CDH8: variants seen among roughly 807,000 people sequenced by gnomAD.
The protein encoded by CDH8 is cadherin-8.
CDH8 carries 17 observed loss-of-function variants against 68.1 expected under a neutral mutation model. That is an observed-to-expected ratio of 0.25 (90% CI 0.17 to 0.37). CDH8 has a LOEUF of 0.37. Ranked by LOEUF, CDH8 falls within the 10% of genes least tolerant of loss-of-function variation. CDH8 has a pLI of 1.00. For synonymous variants in CDH8, 372 were observed against 365.1 expected, an observed-to-expected ratio of 1.02 and a Z score of -0.21; for missense variants, 763 against 999.3, an observed-to-expected ratio of 0.76 and a Z score of 3.19.
intron 7 of CDH8, among the ~76,000 whole-genome samples, chr16:61,792,243 A>T (rs555364869): frequency 7.2e-5 from 11 of 152,154 alleles, no homozygotes; most frequent in African/African-American, 2.4e-4. Context: ...TTTATAAAAT[A>T]GTCTATAAAT....
intron 2 of CDH8, among the ~76,000 whole-genome samples, chr16:61,913,868 T>G (rs376806100): frequency 2.0e-5 from 3 of 152,102 alleles, no homozygotes; most frequent in Non-Finnish European, 4.4e-5. Context: ...AAAACAAAAA[T>G]AATCATTTCA....
intron 3 of CDH8, among the ~76,000 whole-genome samples, chr16:61,900,358 C>T (rs1176884702): frequency 1.3e-5 from 2 of 152,110 alleles, no homozygotes; most frequent in Admixed American, 6.6e-5. Context: ...ATATGTACTA[C>T]ACATTTTAAA....
At chr16:61,925,378 G>A (rs1964441088) in intron 2 of CDH8, among the ~76,000 whole-genome samples, 1 of 152,156 alleles carries the variant, frequency 6.6e-6, no homozygotes, top group South Asian at 2.1e-4. Flanking sequence ...CCTTACCCCA[G>A]TTAAGAATTA....
In CDH8 at chr16:61,744,072, G is replaced by T. The variant is rs536056163; in HGVS notation, c.1415-16857C>A. Among the ~76,000 whole-genome samples, 3 of 152,032 alleles carry T rather than the reference G, an allele frequency of 2.0e-5. No individual in the cohort carries two copies. The East Asian group carries it at 5.8e-4, about 29-fold the overall frequency. On this transcript the variant is annotated intron_variant, in intron 8 of 11. Coordinates refer to ENST00000577390, the MANE Select transcript of CDH8 (RefSeq NM_001796.5). ...TTATGACACAGTTTTTGGCCATTTG[G>T]GGTCAATATTTCAAGTTTGTTTGAC... is the stretch of plus-strand genomic sequence containing the variant.
chr16:61,746,554 C>CAA (rs1199985578), intron 8 of CDH8, among the ~76,000 whole-genome samples: 2 of 118,808 alleles, frequency 1.7e-5, no homozygotes, highest in South Asian at 2.7e-4. Context: ...TGATTCCCCC[C>CAA]CAACACACAC....
intron 7 of CDH8, among the ~76,000 whole-genome samples, chr16:61,807,736 T>C (rs566989673): frequency 1.5e-4 from 23 of 152,196 alleles, no homozygotes; most frequent in African/African-American, 5.5e-4. Context: ...CAAACAGAGA[T>C]ATAAAGGCCC....
intron 2 of CDH8, among the ~76,000 whole-genome samples, chr16:61,924,562 C>T (rs939645619): frequency 6.6e-6 from 1 of 152,134 alleles, no homozygotes; most frequent in Admixed American, 6.6e-5. Flanking sequence ...TAGACTTCAT[C>T]AGTGTGTTCT....
At chr16:61,981,693 C>CGCGCGCGT (rs1555526848) in intron 2 of CDH8, among the ~76,000 whole-genome samples, 36 of 151,226 alleles carry the variant, frequency 2.4e-4, no homozygotes, top group African/African-American at 8.5e-4. Flanking sequence ...CGCGCGCGCG[C>CGCGCGCGT]GTGCGCTTGG....
At chr16:61,794,147 G>A (rs1422582470) in intron 7 of CDH8, among the ~76,000 whole-genome samples, 2 of 151,998 alleles carry the variant, frequency 1.3e-5, no homozygotes, top group African/African-American at 4.8e-5. Flanking sequence ...ACAGGCCTAT[G>A]AATAAACTTT....
chr16:61,789,367 T>C lies in CDH8; in HGVS notation c.1393A>G (p.Thr465Ala). 6.2e-7 allele frequency: 1 copy of C among 1,611,934 alleles called. No homozygotes were observed. The change falls in exon 8 of 12, where the codon ACA (threonine) becomes GCA (alanine). Residue 465 changes from threonine (T) to alanine (A), a missense_variant. Thr to Ala is a moderately conservative substitution (Grantham distance 58, BLOSUM62 0). Around this residue, in one of 2 missense-constraint regions of CDH8, gnomAD observed 397 missense variants for 436.2 expected, o/e 0.91. Coordinates refer to ENST00000577390, the MANE Select transcript of CDH8 (RefSeq NM_001796.5). ...DRELSVWHNI[T>A]IIATEIRNHS... The stretch of plus-strand genomic sequence containing the variant: ...TTACTAATTTCAGTAGCAATGATTG[T>C]TATGTTGTGCCATACACTTAATTCT...
chr16:61,918,308 G>GCCAA (rs1964282796), intron 2 of CDH8: 1 of 154,886 alleles, frequency 6.5e-6, no homozygotes, highest in East Asian at 1.9e-4. Flanking sequence ...TGATCAGGGA[G>GCCAA]GAGCCAAGAT....
chr16:61,943,293 A>G (rs1369521981), intron 2 of CDH8, among the ~76,000 whole-genome samples: 1 of 152,198 alleles, frequency 6.6e-6, no homozygotes, highest in Non-Finnish European at 1.5e-5. Flanking sequence ...TTCAGCACCT[A>G]GAAGAGTGGC....
chr16:61,799,450 T>TTTAATC (rs1279820026), intron 7 of CDH8, among the ~76,000 whole-genome samples: 2 of 152,214 alleles, frequency 1.3e-5, no homozygotes, highest in Non-Finnish European at 2.9e-5. Flanking sequence ...TAATTTTTCA[T>TTTAATC]TTAATCTTTC....
At chr16:61,751,450 A>G (rs1359633457) in intron 8 of CDH8, among the ~76,000 whole-genome samples, 1 of 150,890 alleles carries the variant, frequency 6.6e-6, no homozygotes, top group African/African-American at 2.4e-5. Flanking sequence ...CTTAAACATG[A>G]CACTCTTAAA....
intron 8 of CDH8, among the ~76,000 whole-genome samples, chr16:61,739,005 G>T (rs751830539): frequency 5.3e-5 from 8 of 152,086 alleles, no homozygotes; most frequent in Admixed American, 1.3e-4. Flanking sequence ...AACAGGTAAA[G>T]AAATAAAATT....
rs1963290811 is a variant in CDH8 at position 61,650,256 on chromosome 16, C to A, written c.*3352G>T. On this transcript the variant is annotated 3_prime_UTR_variant, in exon 12 of 12. Coordinates refer to ENST00000577390, the MANE Select transcript of CDH8 (RefSeq NM_001796.5). Reference sequence around the variant, plus strand: ...ATATGGATGTTTAAGAGACACTTTGCTAATATGATTTGATCAAATCATAGG... The same window carrying A: ...ATATGGATGTTTAAGAGACACTTTGATAATATGATTTGATCAAATCATAGG... The A allele has an allele frequency of 6.6e-6, 1 of 152,018 alleles. No homozygotes were observed. Among genetic ancestry groups the A allele is most frequent in the African/African-American group, 2.4e-5 (1 of 41,394 alleles). 9.4% of individuals were successfully genotyped at this position (152,018 alleles called of 1,614,324 possible).
chr16:61,791,231 G>T (rs916580123), intron 7 of CDH8, among the ~76,000 whole-genome samples: 1 of 151,942 alleles, frequency 6.6e-6, no homozygotes, highest in Non-Finnish European at 1.5e-5. Flanking sequence ...AAGAAATTCA[G>T]AGAGAATTTA....
intron 3 of CDH8, among the ~76,000 whole-genome samples, chr16:61,895,244 C>A (rs1221969526): frequency 6.6e-6 from 1 of 152,036 alleles, no homozygotes; most frequent in Non-Finnish European, 1.5e-5. Context: ...TCATAATGCT[C>A]TTATAAACAG....
chr16:61,859,252 C>T (rs1220164897), intron 3 of CDH8, among the ~76,000 whole-genome samples: 1 of 152,006 alleles, frequency 6.6e-6, no homozygotes, highest in African/African-American at 2.4e-5. Context: ...CATGAGAGTA[C>T]AATAGTTGTA....
Sources: allele counts gnomAD v4.1 joint callset (sites outside exome capture counted in the v4.1 genomes callset), GRCh38; gene constraint gnomAD v4.1.1; regional missense constraint gnomAD v4.1.1; transcripts MANE v1.5; gene names NCBI Gene and HGNC (gene_info 2026-07-23, HGNC 2026-07-21).